Variants in MTFR1 observed in about 807,000 individuals in gnomAD.
The protein encoded by MTFR1 is chondrocyte protein with a poly-proline region.
In MTFR1, 28 loss-of-function variants were observed where a neutral mutation model predicts 38.8. The ratio of observed to expected loss-of-function variants is 0.72; its 90% CI spans 0.53 to 0.99. The LOEUF is 0.99. MTFR1 is among the 50% of genes least tolerant of loss of function. The probability of loss-of-function intolerance (pLI) is 0.00; values close to 1 mark genes in which losing one functional copy is unlikely to be tolerated. For synonymous variants in MTFR1, 145 were observed against 137.0 expected (o/e 1.06, Z -0.41); for missense variants, 358 against 395.5 (o/e 0.91, Z 0.81).
At chr8:65,753,693 T>A (rs948830498) in intron 3 of MTFR1, among the ~76,000 whole-genome samples, 8 of 152,178 alleles carry the variant, frequency 5.3e-5, no homozygotes, top group African/African-American at 1.9e-4. Flanking sequence ...CTCTTCTGAT[T>A]GTCCTATCCA....
rs552550901 is a variant in MTFR1 at position 65,710,414 on chromosome 8, C to T, written c.*1370C>T. On this transcript the variant is annotated 3_prime_UTR_variant, in exon 8 of 8. Transcript: ENST00000262146. ...CCTGTTTTATATGGTTTAAAATTCT[C>T]TTTAACAAAATTCAGAAAATTCACC... 2.0e-5 allele frequency: 3 copies of T among 152,628 alleles called. No homozygotes were observed. In the East Asian group the frequency reaches 5.8e-4, roughly 29 times the overall value. 9.5% of individuals were successfully genotyped at this position (152,628 alleles called of 1,614,324 possible).
intron 3 of MTFR1, among the ~76,000 whole-genome samples, chr8:65,726,366 C>G (rs1381435654): frequency 6.6e-6 from 1 of 151,850 alleles, no homozygotes; most frequent in African/African-American, 2.4e-5. Flanking sequence ...TTTTTCCATT[C>G]ATTATTATAT....
chr8:65,768,575 T>C (rs147577462), intron 3 of MTFR1, among the ~76,000 whole-genome samples: 1 of 152,316 alleles, frequency 6.6e-6, no homozygotes, highest in Non-Finnish European at 1.5e-5. Flanking sequence ...TTTTGTAGAT[T>C]GCCCAATCTT....
At position 65,688,665 on chromosome 8, in the gene MTFR1, C is replaced by T. The variant is rs551497435; in HGVS notation, c.166-4979C>T. Among the ~76,000 whole-genome samples, 9 of 150,008 alleles carry T rather than the reference C, an allele frequency of 6.0e-5. 1 individual carries two copies. The highest frequency in any genetic ancestry group is 1.7e-4 in the African/African-American group (7 of 41,066). ...TTCACCATGTTAGCCAGGATGGTCTCGATCTCCTGACCTCGTGATCCGCCC... is the reference window on the plus strand; with the variant it reads ...TTCACCATGTTAGCCAGGATGGTCTTGATCTCCTGACCTCGTGATCCGCCC... On this transcript the variant is annotated intron_variant, in intron 3 of 7. Transcript: ENST00000262146.
downstream of MTFR1, chr8:65,714,301 C>G (rs1004676288): frequency 6.6e-6 from 1 of 151,360 alleles, no homozygotes; most frequent in African/African-American, 2.4e-5. Flanking sequence ...AGTAATAAAT[C>G]GATAGCTAAA....
chr8:65,692,213 T>A (rs1419923738), intron 3 of MTFR1, among the ~76,000 whole-genome samples: 2 of 152,382 alleles, frequency 1.3e-5, no homozygotes, highest in Admixed American at 1.3e-4. Flanking sequence ...ATTAATCTGA[T>A]AACTTTATTT....
chr8:65,710,826 C>A (rs2129060652), downstream of MTFR1, among the ~76,000 whole-genome samples: 1 of 152,284 alleles, frequency 6.6e-6, no homozygotes. Flanking sequence ...TTCCCAGCTT[C>A]TCCCACACCC....
rs554181700 is a variant in MTFR1 at position 65,723,909 on chromosome 8, C to T, written c.*48+4428C>T. ...TTCATGAAATAAAGATTCCTGGATC[C>T]GGGTTTTAAATTACACACACAAAAG... On this transcript the variant is annotated intron_variant, in intron 3 of 3. Coordinates refer to the MTFR1 transcript ENST00000521247. 2.2e-3 allele frequency among the ~76,000 whole-genome samples: 336 copies of T among 152,176 alleles called. 1 individual carries two copies. Among genetic ancestry groups the T allele is most frequent in the African/African-American group, 7.8e-3 (323 of 41,524 alleles).
chr8:65,653,127 G>A (rs1809164872), intron 1 of MTFR1, among the ~76,000 whole-genome samples: 1 of 152,170 alleles, frequency 6.6e-6, no homozygotes, highest in Admixed American at 6.6e-5. Flanking sequence ...GTATAGTTAA[G>A]TACTTTAAAG....
At chr8:65,719,839 C>A in intron 3 of MTFR1, 1 of 273,060 alleles carries the variant, frequency 3.7e-6, no homozygotes, top group Non-Finnish European at 7.1e-6. Flanking sequence ...TAGCCCAATT[C>A]GAGGCAGAGT....
chr8:65,678,063 T>A (rs1049480147), intron 2 of MTFR1, among the ~76,000 whole-genome samples: 1 of 151,800 alleles, frequency 6.6e-6, no homozygotes, highest in Non-Finnish European at 1.5e-5. Flanking sequence ...CATTTTCTTC[T>A]CCCTGCCTTC....
chr8:65,668,369 A>C (rs1804456526), intron 1 of MTFR1, among the ~76,000 whole-genome samples: 1 of 145,704 alleles, frequency 6.9e-6, no homozygotes, highest in South Asian at 2.1e-4. Flanking sequence ...TGTACTTTTA[A>C]TAGAGATGGG....
At chr8:65,723,350 C>T in intron 3 of MTFR1, 1 of 439,862 alleles carries the variant, frequency 2.3e-6, no homozygotes, top group Non-Finnish European at 3.6e-6. Flanking sequence ...CAAAAATATA[C>T]TTTTTACATC....
intron 2 of MTFR1, among the ~76,000 whole-genome samples, chr8:65,675,652 C>T (rs567648112): frequency 1.2e-4 from 19 of 152,264 alleles, no homozygotes; most frequent in African/African-American, 4.6e-4. Flanking sequence ...TCATTTAATG[C>T]TCATAGGCTC....
chr8:65,707,825 TG>T lies in MTFR1; in HGVS notation c.765-17del, dbSNP rs1805829235. The T allele has an allele frequency of 2.0e-5, 32 of 1,611,204 alleles. No homozygotes were observed. Among genetic ancestry groups the T allele is most frequent in the Non-Finnish European group, 2.6e-5 (31 of 1,178,366 alleles). ...AGTGTATTGATCTGTCCCCTTGGTT[TG>T]TGTTCACTTCTCTAAGGTCAGAGCA... On this transcript the variant is annotated splice_polypyrimidine_tract_variant and intron_variant, in intron 6 of 7. Coordinates refer to ENST00000262146, the MANE Select transcript of MTFR1 (RefSeq NM_014637.4).
At chr8:65,759,276 A>T (rs1808382087) in intron 3 of MTFR1, among the ~76,000 whole-genome samples, 3 of 152,208 alleles carry the variant, frequency 2.0e-5, no homozygotes. Context: ...TGAGGGGCTC[A>T]GGACAGTACT....
chr8:65,745,420 A>G lies in MTFR1; in HGVS notation c.*49-25527A>G, dbSNP rs544352453. ...TTCTTCACTTACCATTTGTTAGTCT[A>G]TCAAATAGAAAGATATCAAAATTCC... On this transcript the variant is annotated intron_variant, in intron 3 of 3. Transcript: ENST00000521247. 2.8e-4 allele frequency: 445 copies of G among 1,563,192 alleles called. 4 individuals are homozygous for G. In the South Asian group the frequency reaches 4.7e-3, roughly 16 times the overall value.
At chr8:65,759,749 T>C (rs1283097926) in intron 3 of MTFR1, among the ~76,000 whole-genome samples, 1 of 152,072 alleles carries the variant, frequency 6.6e-6, no homozygotes, top group Non-Finnish European at 1.5e-5. Flanking sequence ...GAATGAGACA[T>C]CCCAAACCCT....
At chr8:65,775,155 T>C (rs1809224113), downstream of MTFR1, among the ~76,000 whole-genome samples, 1 of 152,226 alleles carries the variant, frequency 6.6e-6, no homozygotes, top group Non-Finnish European at 1.5e-5. Flanking sequence ...CTCTTAGTTT[T>C]TGAGTATGCA....
Sources: allele counts gnomAD v4.1 joint callset (sites outside exome capture counted in the v4.1 genomes callset), GRCh38; gene constraint gnomAD v4.1.1; transcripts MANE v1.5; gene names NCBI Gene and HGNC (gene_info 2026-07-23, HGNC 2026-07-21).